The following SPATA6 variants were observed in gnomAD, a reference collection of about 807,000 sequenced individuals.
SPATA6 encodes spermatogenesis associated 6.
A neutral mutation model predicts 65.3 loss-of-function variants in SPATA6; 56 were observed. The ratio of observed to expected loss-of-function variants is 0.86; its 90% CI spans 0.69 to 1.07. The LOEUF (loss-of-function observed/expected upper bound fraction) is 1.07, where lower values mean the gene tolerates loss of function less well. SPATA6 is among the 50% of genes least tolerant of loss of function. SPATA6 has a pLI of 0.00. For synonymous variants in SPATA6, 199 were observed against 213.2 expected (o/e 0.93, Z 0.58); for missense variants, 590 against 594.8 (o/e 0.99, Z 0.08).
rs1651082001 is a variant in SPATA6, at chr1:48,400,699, GA to G, written c.487-1056del. On this transcript the variant is annotated intron_variant, in intron 6 of 12. Transcript: ENST00000371847. ...GTCAAATTTTTTAAGTGGATACACA[GA>G]AAAGAAAATTAATTTTCCTAATTGG... is the stretch of plus-strand genomic sequence containing the variant. 1.5e-5 allele frequency: 16 copies of G among 1,087,006 alleles called. No homozygotes were observed. In the South Asian group the frequency reaches 2.3e-4, roughly 16 times the overall value. The allele number at this position is 1,087,006 out of a possible 1,614,324, so 67.3% of individuals were successfully genotyped here.
At chr1:48,456,319 T>A (rs982501221) in intron 1 of SPATA6, among the ~76,000 whole-genome samples, 4 of 152,146 alleles carry the variant, frequency 2.6e-5, no homozygotes, top group African/African-American at 7.2e-5. Context: ...AGATTACAGA[T>A]TTTACAAAGT....
rs561803783 is a variant in SPATA6 at position 48,323,540 on chromosome 1, A to G, written c.1195-17662T>C. ...GATGTTAAAAACCTGCATCTTGTGCACATCTACCACAGAACTTAAAGTATA... is the reference window on the plus strand; with the variant it reads ...GATGTTAAAAACCTGCATCTTGTGCGCATCTACCACAGAACTTAAAGTATA... On this transcript the variant is annotated intron_variant, in intron 11 of 12. Transcript: ENST00000371847. Among the ~76,000 whole-genome samples, 7 of 152,168 alleles carry G rather than the reference A, an allele frequency of 4.6e-5. No individual in the cohort carries two copies. In the South Asian group the frequency reaches 1.2e-3, roughly 27 times the overall value.
chr1:48,436,818 T>C lies in SPATA6; in HGVS notation c.238+14734A>G, dbSNP rs1486468007. ...TGCTGTTACAGAAACTGAAAGGTCC[T>C]CCTTATAGCCCATTGGATATCAGTA... is the stretch of plus-strand genomic sequence containing the variant. On this transcript the variant is annotated intron_variant, in intron 3 of 12. Coordinates refer to ENST00000371847, the MANE Select transcript of SPATA6 (RefSeq NM_019073.4). 3.1e-6 allele frequency: 5 copies of C among 1,613,758 alleles called. No individual in the cohort carries two copies. In the East Asian group the frequency reaches 1.1e-4, roughly 36 times the overall value.
At chr1:48,422,711 A>T (rs2148024498) in intron 3 of SPATA6, among the ~76,000 whole-genome samples, 1 of 152,300 alleles carries the variant, frequency 6.6e-6, no homozygotes, top group East Asian at 1.9e-4. Context: ...TACACCTTCA[A>T]TTATTTTTAC....
intron 11 of SPATA6, among the ~76,000 whole-genome samples, chr1:48,341,836 A>G (rs574648188): frequency 6.6e-6 from 1 of 152,316 alleles, no homozygotes; most frequent in Admixed American, 6.5e-5. Context: ...ATTTGCAGGC[A>G]GAAGCCATGG....
chr1:48,432,605 A>G (rs1407503789), intron 3 of SPATA6, among the ~76,000 whole-genome samples: 1 of 152,346 alleles, frequency 6.6e-6, no homozygotes, highest in East Asian at 1.9e-4. Flanking sequence ...ACTCATTGAA[A>G]GGGCTATCAA....
chr1:48,335,596 C>T (rs1646038691), intron 11 of SPATA6, among the ~76,000 whole-genome samples: 1 of 151,986 alleles, frequency 6.6e-6, no homozygotes, highest in African/African-American at 2.4e-5. Context: ...AAGATTGAAA[C>T]TGGACCACTT....
At chr1:48,293,710 C>T (rs571813349), downstream of SPATA6, among the ~76,000 whole-genome samples, 2 of 152,286 alleles carry the variant, frequency 1.3e-5, no homozygotes, top group African/African-American at 4.8e-5. Context: ...ACTTCACAAA[C>T]CTTAGTAAGT....
intron 11 of SPATA6, among the ~76,000 whole-genome samples, chr1:48,314,742 T>C (rs1411147435): frequency 6.6e-6 from 1 of 152,026 alleles, no homozygotes; most frequent in African/African-American, 2.4e-5. Flanking sequence ...AAAAAATCAA[T>C]GAATCCAGGA....
intron 1 of SPATA6, among the ~76,000 whole-genome samples, chr1:48,461,695 C>G: frequency 6.6e-6 from 1 of 152,160 alleles, no homozygotes; most frequent in South Asian, 2.1e-4. Flanking sequence ...CAGGAAACAA[C>G]AGGTGCTACA....
chr1:48,367,363 G>C (rs917295478), intron 9 of SPATA6, among the ~76,000 whole-genome samples: 2 of 152,096 alleles, frequency 1.3e-5, no homozygotes, highest in Non-Finnish European at 2.9e-5. Flanking sequence ...TTAACTTTCT[G>C]TCTCGTTAAT....
chr1:48,443,855 G>T (rs553105490), intron 3 of SPATA6, among the ~76,000 whole-genome samples: 4 of 152,206 alleles, frequency 2.6e-5, no homozygotes, highest in Non-Finnish European at 5.9e-5. Context: ...GTTTCCTCTA[G>T]GATCCAGGCC....
At chr1:48,343,947 A>G (rs1270720933) in intron 11 of SPATA6, among the ~76,000 whole-genome samples, 2 of 152,128 alleles carry the variant, frequency 1.3e-5, no homozygotes, top group Non-Finnish European at 2.9e-5. Flanking sequence ...AATATAACTC[A>G]ACCCAAAAGA....
At chr1:48,353,150 C>T (rs1646559164) in intron 11 of SPATA6, among the ~76,000 whole-genome samples, 1 of 151,436 alleles carries the variant, frequency 6.6e-6, no homozygotes, top group East Asian at 1.9e-4. Flanking sequence ...ACTAGATGAA[C>T]AAAAATAATT....
At chr1:48,445,905 ATTAGG>A (rs1656006804) in intron 3 of SPATA6, among the ~76,000 whole-genome samples, 1 of 152,130 alleles carries the variant, frequency 6.6e-6, no homozygotes, top group Admixed American at 6.5e-5. Context: ...GCTGCCATAA[ATTAGG>A]TTAAGATTCA....
At chr1:48,307,072 T>G (rs1218037771) in intron 11 of SPATA6, among the ~76,000 whole-genome samples, 1 of 151,774 alleles carries the variant, frequency 6.6e-6, no homozygotes, top group Non-Finnish European at 1.5e-5. Flanking sequence ...TTTTACCTAT[T>G]CCGAGAAGTC....
intron 1 of SPATA6, among the ~76,000 whole-genome samples, chr1:48,459,201 T>C (rs960991373): frequency 3.3e-5 from 2 of 60,434 alleles, no homozygotes; most frequent in Non-Finnish European, 5.6e-5. Flanking sequence ...CGAGACTCCA[T>C]ATCAAAAAAA....
chr1:48,380,817 G>A (rs181334061), intron 9 of SPATA6, among the ~76,000 whole-genome samples: 64 of 152,182 alleles, frequency 4.2e-4, no homozygotes, highest in African/African-American at 1.5e-3. Context: ...AATTATTCCA[G>A]GCCTCCTCTC....
chr1:48,273,356 T>A, the SPATA6 span, among the ~76,000 whole-genome samples: 9 of 152,170 alleles, frequency 5.9e-5, no homozygotes, highest in Admixed American at 1.3e-4. Context: ...TCATTTTTTT[T>A]ATTATACTTT....
Sources: gnomAD v4.1 joint callset for allele counts (sites outside exome capture counted in the v4.1 genomes callset) on GRCh38, gnomAD v4.1.1 for gene constraint, MANE v1.5 for transcripts, NCBI Gene and HGNC (gene_info 2026-07-23, HGNC 2026-07-21) for gene names.